EYS: variants seen among roughly 807,000 people sequenced by gnomAD.
EYS encodes protein eyes shut homolog.
In EYS, 250 loss-of-function variants were observed where a neutral mutation model predicts 282.1. The ratio of observed to expected loss-of-function variants is 0.89; its 90% confidence interval spans 0.80 to 0.98. The LOEUF is 0.98. EYS is among the 50% of genes least tolerant of loss of function. The probability of loss-of-function intolerance (pLI) is 0.00; values close to 1 mark genes in which losing one functional copy is unlikely to be tolerated. For missense variants in EYS, 4,016 were observed against 3,709.0 expected (o/e 1.08, Z -2.15); for synonymous variants, 1,355 against 1,282.9 (o/e 1.06, Z -1.20).
intron 31 of EYS, among the ~76,000 whole-genome samples, chr6:64,161,358 C>T (rs1241340169): frequency 1.3e-5 from 2 of 152,086 alleles, no homozygotes; most frequent in Non-Finnish European, 2.9e-5. Flanking sequence ...ATGCCAGACC[C>T]AAGGGGAAGC....
intron 31 of EYS, among the ~76,000 whole-genome samples, chr6:64,163,255 A>AT (rs1332976579): frequency 1.3e-5 from 2 of 152,176 alleles, no homozygotes; most frequent in South Asian, 2.1e-4. Context: ...ACATAATATT[A>AT]TTTTTTCTTC....
chr6:64,300,038 AG>A (rs1157274024), intron 30 of EYS, among the ~76,000 whole-genome samples: 2 of 152,212 alleles, frequency 1.3e-5, no homozygotes, highest in Admixed American at 6.5e-5. Context: ...GAAAAAGACA[AG>A]GGATACCCTA....
At chr6:64,519,694 T>A (rs571737184) in intron 26 of EYS, among the ~76,000 whole-genome samples, 12 of 151,928 alleles carry the variant, frequency 7.9e-5, no homozygotes, top group African/African-American at 2.9e-4. Flanking sequence ...AAGGTTAACA[T>A]CAGAGAGACC....
intron 19 of EYS, among the ~76,000 whole-genome samples, chr6:64,881,595 C>A (rs956761684): frequency 2.0e-5 from 3 of 151,692 alleles, no homozygotes; most frequent in Non-Finnish European, 4.4e-5. Flanking sequence ...GGGTAGGGAA[C>A]CTTCTCTGTT....
intron 33 of EYS, among the ~76,000 whole-genome samples, chr6:64,014,479 TTTAATG>T (rs1768794158): frequency 6.6e-6 from 1 of 152,160 alleles, no homozygotes; most frequent in Admixed American, 6.6e-5. Context: ...CAGAAAATAT[TTTAATG>T]TTAAGATATT....
chr6:65,320,662 G>T (rs1769449314), intron 11 of EYS, among the ~76,000 whole-genome samples: 1 of 152,198 alleles, frequency 6.6e-6, no homozygotes, highest in Non-Finnish European at 1.5e-5. Flanking sequence ...AGGACATGTT[G>T]TCCTTCTGCC....
chr6:64,785,378 C>A (rs980411428), intron 22 of EYS, among the ~76,000 whole-genome samples: 1 of 152,106 alleles, frequency 6.6e-6, no homozygotes, highest in African/African-American at 2.4e-5. Flanking sequence ...ATAGCCAAAT[C>A]TTGCTGGCCT....
At chr6:65,677,105 G>GAAAAAAAA (rs58880200) in intron 1 of EYS, among the ~76,000 whole-genome samples, 7 of 107,652 alleles carry the variant, frequency 6.5e-5, no homozygotes, top group Admixed American at 1.0e-4. Context: ...AGTCATTGGT[G>GAAAAAAAA]AAAAAAAAAA....
intron 5 of EYS, among the ~76,000 whole-genome samples, chr6:65,466,182 C>G (rs1397454617): frequency 2.0e-5 from 3 of 151,808 alleles, no homozygotes; most frequent in African/African-American, 7.3e-5. Flanking sequence ...ATTTCAAATA[C>G]CACCACTAAA....
Position 64,162,698 on chromosome 6 carries a change from C to T in EYS, c.6424+67894G>A, listed in dbSNP as rs12174236. On this transcript the variant is annotated intron_variant, in intron 31 of 42. Transcript: ENST00000503581. ...TATTCTCTCTGGTCCCCTTGTTTCT[C>T]CCAGTTAATCCAAGGAAGTTGTGGC... is the stretch of plus-strand genomic sequence containing the variant. Among the ~76,000 whole-genome samples, 132 of 152,196 alleles carry T rather than the reference C, an allele frequency of 8.7e-4. 4 individuals are homozygous for T. The East Asian group carries it at 0.024, about 27-fold the overall frequency.
chr6:64,834,062 C>T (rs55844342), intron 19 of EYS, among the ~76,000 whole-genome samples: 23,109 of 151,764 alleles, frequency 0.15, 1,993 homozygotes, highest in East Asian at 0.43. Flanking sequence ...GACATAAAGA[C>T]TGATTTAGGT....
intron 22 of EYS, among the ~76,000 whole-genome samples, chr6:64,745,440 T>C (rs1215079055): frequency 1.3e-5 from 2 of 152,152 alleles, no homozygotes; most frequent in Non-Finnish European, 2.9e-5. Context: ...AATTTAGCCA[T>C]TTTGAGTTGT....
At chr6:63,877,640 C>T (rs1399162905) in intron 35 of EYS, among the ~76,000 whole-genome samples, 1 of 151,194 alleles carries the variant, frequency 6.6e-6, no homozygotes, top group African/African-American at 2.4e-5. Context: ...TTTACATAGC[C>T]CCATATTTCT....
intron 14 of EYS, among the ~76,000 whole-genome samples, chr6:64,967,088 C>T (rs938446137): frequency 6.6e-6 from 1 of 152,144 alleles, no homozygotes; most frequent in Non-Finnish European, 1.5e-5. Flanking sequence ...ACTACCACTA[C>T]CTTATTACTG....
intron 14 of EYS, among the ~76,000 whole-genome samples, chr6:64,971,590 T>C (rs1356317051): frequency 6.6e-6 from 1 of 152,176 alleles, no homozygotes; most frequent in East Asian, 1.9e-4. Flanking sequence ...ACTTAGCAAG[T>C]AAGGGACTAC....
At chr6:64,923,754 A>T (rs368173264) in intron 15 of EYS, among the ~76,000 whole-genome samples, 2 of 152,202 alleles carry the variant, frequency 1.3e-5, no homozygotes, top group African/African-American at 4.8e-5. Context: ...GAGGCAATCA[A>T]ATTTTAAAGC....
chr6:64,748,410 T>C (rs1186680769), intron 22 of EYS, among the ~76,000 whole-genome samples: 1 of 152,206 alleles, frequency 6.6e-6, no homozygotes, highest in Non-Finnish European at 1.5e-5. Context: ...TAGATTCTCA[T>C]AAGGAGCTGC....
intron 31 of EYS, among the ~76,000 whole-genome samples, chr6:64,203,807 A>G (rs1349357188): frequency 6.6e-6 from 1 of 152,212 alleles, no homozygotes; most frequent in Non-Finnish European, 1.5e-5. Context: ...GGCACTCCAT[A>G]AATTATTACT....
intron 1 of EYS, among the ~76,000 whole-genome samples, chr6:65,650,236 T>C (rs934134503): frequency 2.6e-5 from 4 of 152,152 alleles, no homozygotes; most frequent in African/African-American, 9.7e-5. Context: ...TAGAAAACAT[T>C]AGCCCTTTGT....
Sources: gnomAD v4.1 joint callset for allele counts (sites outside exome capture counted in the v4.1 genomes callset) on GRCh38, gnomAD v4.1.1 for gene constraint, MANE v1.5 for transcripts, NCBI Gene and HGNC (gene_info 2026-07-23, HGNC 2026-07-21) for gene names.